Variants in TP53INP1 observed in about 807,000 individuals in gnomAD.
TP53INP1 encodes the protein tumor protein p53-inducible nuclear protein 1.
In TP53INP1, 12 loss-of-function variants were observed where a neutral mutation model predicts 21.0. The observed-to-expected ratio is 0.57, with a 90% CI of 0.37 to 0.93. The LOEUF (loss-of-function observed/expected upper bound fraction) is 0.93, where lower values mean the gene tolerates loss of function less well. Ranked by LOEUF, TP53INP1 falls within the 40% of genes least tolerant of loss-of-function variation. The pLI, the probability that TP53INP1 is intolerant of heterozygous loss-of-function variation, is 0.01. For missense variants in TP53INP1, 274 were observed against 294.7 expected (o/e 0.93, Z 0.51); for synonymous variants, 91 against 94.8 (o/e 0.96, Z 0.23).
In TP53INP1 at chr8:94,940,861, T is replaced by C. The variant is rs570867319; in HGVS notation, c.81A>G (p.Glu27=). The part of the protein sequence containing the change: ...SNQEPEFNEK[E]DDEWILVDFI... The stretch of plus-strand genomic sequence containing the variant: ...AGTCAACAAGAATCCATTCATCATC[T>C]TCTTTCTCATTGAATTCTGGTTCTT... Residue 27 remains glutamate, a synonymous_variant, in exon 2 of 4, where the codon GAA becomes GAG. Coordinates refer to ENST00000342697, the MANE Select transcript of TP53INP1 (RefSeq NM_033285.4). 1 of 1,613,780 alleles carries C rather than the reference T, an allele frequency of 6.2e-7. No homozygotes were observed. The highest frequency in any genetic ancestry group is 1.1e-5 in the South Asian group (1 of 91,032).
In TP53INP1 at chr8:94,932,409, T is replaced by A. The variant is rs147698376; in HGVS notation, c.474-1681A>T. The stretch of plus-strand genomic sequence containing the variant: ...AGCAATCTGACTTCTGAAAGACATA[T>A]GATTCATTTCCTGCTAAGAAAACAG... On this transcript the variant is annotated intron_variant, in intron 3 of 3. Coordinates refer to ENST00000342697, the MANE Select transcript of TP53INP1 (RefSeq NM_033285.4). Among the ~76,000 whole-genome samples the A allele has an allele frequency of 4.2e-3, 636 of 152,350 alleles. 8 individuals carry two copies. The highest frequency in any genetic ancestry group is 0.015 in the African/African-American group (614 of 41,586).
At chr8:94,943,744 A>C (rs1426254914) in intron 1 of TP53INP1, among the ~76,000 whole-genome samples, 2 of 152,232 alleles carry the variant, frequency 1.3e-5, no homozygotes, top group Non-Finnish European at 1.5e-5. Flanking sequence ...ATTTCAAATA[A>C]ATAACATTAG....
chr8:94,947,221 G>C (rs992694161), intron 1 of TP53INP1, among the ~76,000 whole-genome samples: 1 of 150,296 alleles, frequency 6.7e-6, no homozygotes, highest in Non-Finnish European at 1.5e-5. Context: ...ATGGGTCTAC[G>C]AACTTCAGAA....
chr8:94,940,251 G>A lies in TP53INP1; in HGVS notation c.113-31C>T, dbSNP rs540138398. ...TCGTAGTCCACATTGCAGTCCACAT[G>A]TGTTGTTGAAGAGTCCCACAGGAGG... On this transcript the variant is annotated intron_variant, in intron 2 of 3. Coordinates refer to ENST00000342697, the MANE Select transcript of TP53INP1 (RefSeq NM_033285.4). 2.0e-5 allele frequency: 31 copies of A among 1,565,172 alleles called. No individual in the cohort carries two copies. The East Asian group carries it at 5.4e-4, about 27-fold the overall frequency.
At chr8:94,946,469 G>A (rs1339587998) in intron 1 of TP53INP1, among the ~76,000 whole-genome samples, 1 of 151,760 alleles carries the variant, frequency 6.6e-6, no homozygotes, top group Non-Finnish European at 1.5e-5. Flanking sequence ...GGGATGCCAA[G>A]GCAGGAGGAT....
At chr8:94,933,437 G>T (rs976464104) in intron 3 of TP53INP1, among the ~76,000 whole-genome samples, 1 of 152,126 alleles carries the variant, frequency 6.6e-6, no homozygotes, top group African/African-American at 2.4e-5. Context: ...AAACAAAATG[G>T]TGGAGATCAT....
At chr8:94,937,517 G>A (rs1275384088) in intron 3 of TP53INP1, among the ~76,000 whole-genome samples, 2 of 151,996 alleles carry the variant, frequency 1.3e-5, no homozygotes, top group East Asian at 3.9e-4. Context: ...AGATTTTCCT[G>A]TTTTTCTGGT....
In TP53INP1 at chr8:94,928,267, A is replaced by G. The variant is rs749705317; in HGVS notation, c.*2212T>C. The G allele has an allele frequency of 3.9e-5, 6 of 152,228 alleles. No individual in the cohort carries two copies. The highest frequency in any genetic ancestry group is 5.9e-5 in the Non-Finnish European group (4 of 68,036). The allele number at this position is 152,228 out of a possible 1,614,324, so 9.4% of individuals were successfully genotyped here. A position where few individuals can be genotyped will look rare whatever the true frequency, so the allele number is the denominator to read the frequency against. ...GAAAAAAAGGCCATTGCAGTTATAC[A>G]CAAATCTGTTCATGTTGCCAAACAA... is the stretch of plus-strand genomic sequence containing the variant. On this transcript the variant is annotated 3_prime_UTR_variant, in exon 4 of 4. Coordinates refer to ENST00000342697, the MANE Select transcript of TP53INP1 (RefSeq NM_033285.4).
chr8:94,940,824 C>G lies in TP53INP1; in HGVS notation c.112+6G>C. 1 of 1,604,352 alleles carries G rather than the reference C, an allele frequency of 6.2e-7. No individual in the cohort carries two copies. Among genetic ancestry groups the G allele is most frequent in the Middle Eastern group, 1.7e-4 (1 of 6,032 alleles). Reference sequence around the variant, plus strand: ...ATGAACCACCAAGTAACCAAGTGTACCTTACCTATGAAGTCAACAAGAATC... The same window carrying G: ...ATGAACCACCAAGTAACCAAGTGTAGCTTACCTATGAAGTCAACAAGAATC... On this transcript the variant is annotated splice_donor_region_variant and intron_variant, in intron 2 of 3. Transcript: ENST00000342697.
intron 3 of TP53INP1, among the ~76,000 whole-genome samples, chr8:94,938,835 G>A (rs1228375462): frequency 1.3e-5 from 2 of 152,190 alleles, no homozygotes; most frequent in Non-Finnish European, 1.5e-5. Context: ...TCAAACCCAA[G>A]GAAGGGGTCG....
In TP53INP1 at chr8:94,940,138, G is replaced by C; in HGVS notation, c.195C>G (p.Val65=). ...CAAGAGATGCCGGTAAACAGGAAAA[G>C]ACTGAAGGGTGCTCAGTAGGTGACT... ...SEESPTEHPS[V]FSCLPASLEC... is the part of the protein sequence containing the mutation. Residue 65 remains valine, a synonymous_variant, in exon 3 of 4, where the codon GTC becomes GTG. Coordinates refer to ENST00000342697, the MANE Select transcript of TP53INP1 (RefSeq NM_033285.4). 1 of 1,614,208 alleles carries C rather than the reference G, an allele frequency of 6.2e-7. No individual in the cohort carries two copies. Among genetic ancestry groups the C allele is most frequent in the Non-Finnish European group, 8.5e-7 (1 of 1,180,032 alleles).
At position 94,930,127 on chromosome 8, in the gene TP53INP1, TAAAATG is replaced by T. The variant is rs940229901; in HGVS notation, c.*346_*351del. 1 of 215,866 alleles carries T rather than the reference TAAAATG, an allele frequency of 4.6e-6. No homozygotes were observed. Among genetic ancestry groups the T allele is most frequent in the Non-Finnish European group, 9.3e-6 (1 of 107,272 alleles). The allele number at this position is 215,866 out of a possible 1,614,324, so 13.4% of individuals were successfully genotyped here. A position where few individuals can be genotyped will look rare whatever the true frequency, so the allele number is the denominator to read the frequency against. On this transcript the variant is annotated 3_prime_UTR_variant, in exon 4 of 4. Coordinates refer to ENST00000342697, the MANE Select transcript of TP53INP1 (RefSeq NM_033285.4). ...GCTTAAAAGATTAAGTAATACAAAATAAAATGAAAATGAAAGATGCCTATTCTCGTA... is the reference window on the plus strand; with the variant it reads ...GCTTAAAAGATTAAGTAATACAAAATAAAATGAAAGATGCCTATTCTCGTA...
intron 3 of TP53INP1, among the ~76,000 whole-genome samples, chr8:94,933,135 T>A (rs905973399): frequency 3.3e-5 from 5 of 151,708 alleles, no homozygotes; most frequent in Non-Finnish European, 7.4e-5. Flanking sequence ...GGAGAATCAC[T>A]TGAACCCAGT....
chr8:94,934,479 G>A (rs970163090), intron 3 of TP53INP1, among the ~76,000 whole-genome samples: 1 of 151,246 alleles, frequency 6.6e-6, no homozygotes, highest in African/African-American at 2.4e-5. Flanking sequence ...TCTGCCTCCC[G>A]GGTTCAAGCA....
intron 3 of TP53INP1, among the ~76,000 whole-genome samples, chr8:94,937,174 C>T (rs918154064): frequency 6.6e-6 from 1 of 152,154 alleles, no homozygotes. Context: ...ACACACTATA[C>T]AGCCCATAAT....
chr8:94,934,073 G>A (rs1820724349), intron 3 of TP53INP1, among the ~76,000 whole-genome samples: 1 of 147,874 alleles, frequency 6.8e-6, no homozygotes, highest in African/African-American at 2.5e-5. Flanking sequence ...GTGAAACTCT[G>A]TCTCAAAAAA....
intron 1 of TP53INP1, among the ~76,000 whole-genome samples, chr8:94,944,493 G>T (rs138108838): frequency 1.6e-3 from 247 of 152,286 alleles, no homozygotes; most frequent in African/African-American, 5.7e-3. Flanking sequence ...GAGCTTTCTA[G>T]GGAGCAGTAC....
Position 94,930,430 on chromosome 8 carries a change from T to C in TP53INP1, c.*49A>G, listed in dbSNP as rs887845205. 2 of 1,607,890 alleles carry C rather than the reference T, an allele frequency of 1.2e-6. No homozygotes were observed. The highest frequency in any genetic ancestry group is 1.7e-6 in the Non-Finnish European group (2 of 1,175,828). On this transcript the variant is annotated 3_prime_UTR_variant, in exon 4 of 4. Transcript: ENST00000342697. Reference sequence around the variant, plus strand: ...TTCACTGTACATATACACACATCCATACATGTAAGCACAAACCAAGAGAAA... The same window carrying C: ...TTCACTGTACATATACACACATCCACACATGTAAGCACAAACCAAGAGAAA...
At chr8:94,935,142 TAG>T (rs1563725724) in intron 3 of TP53INP1, among the ~76,000 whole-genome samples, 4 of 151,440 alleles carry the variant, frequency 2.6e-5, no homozygotes, top group Admixed American at 6.6e-5. Context: ...GATAGATAGA[TAG>T]ATAGATAGAT....
Sources: allele counts gnomAD v4.1 joint callset (sites outside exome capture counted in the v4.1 genomes callset), GRCh38; gene constraint gnomAD v4.1.1; transcripts MANE v1.5; gene names NCBI Gene and HGNC (gene_info 2026-07-23, HGNC 2026-07-21).